Variants in NKAIN2 observed in about 807,000 individuals in gnomAD.
NKAIN2 encodes sodium/potassium-transporting ATPase subunit beta-1-interacting protein 2.
A neutral mutation model predicts 32.6 loss-of-function variants in NKAIN2; 14 were observed. That is an observed-to-expected ratio of 0.43 (90% confidence interval 0.28 to 0.67). NKAIN2 has a LOEUF of 0.67. Among genes scored for constraint, NKAIN2 ranks in the 30% least tolerant of loss-of-function variants. NKAIN2 has a pLI of 0.17. For missense variants in NKAIN2, 198 were observed against 258.3 expected (o/e 0.77, Z 1.60); for synonymous variants, 80 against 87.2 (o/e 0.92, Z 0.46).
At chr6:124,710,839 T>C (rs1056156524) in intron 4 of NKAIN2, among the ~76,000 whole-genome samples, 11 of 150,914 alleles carry the variant, frequency 7.3e-5, no homozygotes, top group Admixed American at 6.6e-4. Context: ...CATTTAAAGT[T>C]AATATTGTTA....
At chr6:124,624,000 T>A (rs1783206419) in intron 3 of NKAIN2, among the ~76,000 whole-genome samples, 1 of 151,144 alleles carries the variant, frequency 6.6e-6, no homozygotes, top group Non-Finnish European at 1.5e-5. Context: ...GTACTGTGAT[T>A]GGTTAGCTTG....
At chr6:124,209,734 C>T (rs1193997863) in intron 1 of NKAIN2, among the ~76,000 whole-genome samples, 2 of 151,628 alleles carry the variant, frequency 1.3e-5, no homozygotes, top group Admixed American at 1.3e-4. Flanking sequence ...TTTCATATAC[C>T]TGTTGGACAT....
At chr6:124,241,151 A>G (rs1362784844) in intron 1 of NKAIN2, among the ~76,000 whole-genome samples, 3 of 152,202 alleles carry the variant, frequency 2.0e-5, no homozygotes, top group African/African-American at 7.2e-5. Flanking sequence ...AATTGCTACA[A>G]AGATAATAAA....
At chr6:123,898,126 A>G (rs960732472) in intron 1 of NKAIN2, among the ~76,000 whole-genome samples, 1 of 152,164 alleles carries the variant, frequency 6.6e-6, no homozygotes, top group African/African-American at 2.4e-5. Context: ...ATGAATTATG[A>G]TGATTGGATC....
intron 1 of NKAIN2, among the ~76,000 whole-genome samples, chr6:123,915,810 A>C (rs552009487): frequency 6.6e-6 from 1 of 152,262 alleles, no homozygotes; most frequent in South Asian, 2.1e-4. Flanking sequence ...CATTTTCCTA[A>C]ATGTTTATTA....
intron 3 of NKAIN2, among the ~76,000 whole-genome samples, chr6:124,469,270 A>C (rs1362873154): frequency 6.6e-6 from 1 of 152,208 alleles, no homozygotes; most frequent in Non-Finnish European, 1.5e-5. Flanking sequence ...ATGGTGTTAC[A>C]AAGTTATAAC....
chr6:123,844,999 G>T (rs1230018992), intron 1 of NKAIN2, among the ~76,000 whole-genome samples: 1 of 152,172 alleles, frequency 6.6e-6, no homozygotes, highest in East Asian at 1.9e-4. Context: ...TATCTGAGAA[G>T]AAATTTGTTT....
In NKAIN2 at chr6:123,932,703, C is replaced by T; in HGVS notation, c.54+128449C>T. On this transcript the variant is annotated intron_variant, in intron 1 of 6. Transcript: ENST00000368417. ...AAGTGCTGGGATTACAGGCGTGAGC[C>T]ACCGCGCCCAGCCTTTCTTTCTTGA... is the stretch of plus-strand genomic sequence containing the variant. Among the ~76,000 whole-genome samples the T allele has an allele frequency of 1.3e-5, 2 of 151,862 alleles. 1 individual carries two copies.
intron 1 of NKAIN2, among the ~76,000 whole-genome samples, chr6:124,052,360 G>A (rs745977280): frequency 1.3e-5 from 2 of 152,064 alleles, no homozygotes; most frequent in Non-Finnish European, 2.9e-5. Context: ...AGTAATGTGG[G>A]TGTGTGGAAC....
chr6:124,759,613 ACACACACACACACACACACACAC>A (rs1243471585), intron 4 of NKAIN2, among the ~76,000 whole-genome samples: 4 of 86,074 alleles, frequency 4.6e-5, no homozygotes, highest in Non-Finnish European at 1.1e-4. Context: ...ACACACACAC[ACACACACACACACACACACACAC>A]ACACACACAC....
intron 3 of NKAIN2, among the ~76,000 whole-genome samples, chr6:124,512,317 C>T (rs1269536042): frequency 6.6e-6 from 1 of 152,104 alleles, no homozygotes; most frequent in East Asian, 1.9e-4. Context: ...CCACCAATTT[C>T]CCAAATCCTT....
At chr6:124,152,867 G>A (rs1340308657) in intron 1 of NKAIN2, among the ~76,000 whole-genome samples, 2 of 151,874 alleles carry the variant, frequency 1.3e-5, no homozygotes, top group Non-Finnish European at 2.9e-5. Flanking sequence ...GGATGGAACT[G>A]GAGGATGTTT....
intron 3 of NKAIN2, among the ~76,000 whole-genome samples, chr6:124,592,503 C>T (rs182283016): frequency 2.7e-4 from 41 of 152,298 alleles, no homozygotes; most frequent in African/African-American, 9.4e-4. Context: ...ATTCCTAACA[C>T]TTCACTGTTG....
intron 4 of NKAIN2, among the ~76,000 whole-genome samples, chr6:124,693,114 A>G (rs1346386581): frequency 6.6e-6 from 1 of 152,242 alleles, no homozygotes. Flanking sequence ...TCGTTTGTAT[A>G]GAATTCTCCT....
intron 3 of NKAIN2, among the ~76,000 whole-genome samples, chr6:124,629,768 G>A (rs1039763910): frequency 1.2e-4 from 18 of 152,028 alleles, no homozygotes; most frequent in Non-Finnish European, 2.5e-4. Context: ...ATTTAGGAAG[G>A]GGCAGAGCTC....
intron 3 of NKAIN2, among the ~76,000 whole-genome samples, chr6:124,615,611 T>C (rs1433827039): frequency 6.6e-6 from 1 of 152,166 alleles, no homozygotes; most frequent in African/African-American, 2.4e-5. Context: ...TGCTTAATGA[T>C]GGGAATGAAA....
At chr6:123,858,264 C>T (rs773461342) in intron 1 of NKAIN2, among the ~76,000 whole-genome samples, 1 of 151,840 alleles carries the variant, frequency 6.6e-6, no homozygotes, top group African/African-American at 2.4e-5. Context: ...TACAGGTGCC[C>T]ACCACCACAC....
intron 3 of NKAIN2, among the ~76,000 whole-genome samples, chr6:124,468,564 C>T (rs915718001): frequency 6.6e-6 from 1 of 152,114 alleles, no homozygotes; most frequent in East Asian, 1.9e-4. Flanking sequence ...ATGGTTATTA[C>T]TCAGCCCTCT....
At chr6:123,805,739 A>G (rs1050204851) in intron 1 of NKAIN2, among the ~76,000 whole-genome samples, 1 of 152,196 alleles carries the variant, frequency 6.6e-6, no homozygotes, top group Non-Finnish European at 1.5e-5. Flanking sequence ...GCCAAACTGT[A>G]TAAAGGTTTT....
Sources: gnomAD v4.1 joint callset for allele counts (sites outside exome capture counted in the v4.1 genomes callset) on GRCh38, gnomAD v4.1.1 for gene constraint, MANE v1.5 for transcripts, NCBI Gene and HGNC (gene_info 2026-07-23, HGNC 2026-07-21) for gene names.